The following LTBP1 variants were observed in gnomAD, a reference collection of about 807,000 sequenced individuals.
LTBP1 encodes latent-transforming growth factor beta-binding protein 1.
LTBP1 carries 129 observed loss-of-function variants against 207.6 expected under a neutral mutation model. The ratio of observed to expected loss-of-function variants is 0.62; its 90% CI spans 0.54 to 0.72. The LOEUF (loss-of-function observed/expected upper bound fraction) is 0.72. Ranked by LOEUF, LTBP1 falls within the 30% of genes least tolerant of loss-of-function variation. The probability of loss-of-function intolerance (pLI) is 0.00; values close to 1 mark genes in which losing one functional copy is unlikely to be tolerated. For missense variants in LTBP1, 2,281 were observed against 2,217.2 expected, an observed-to-expected ratio of 1.03 and a Z score of -0.58; for synonymous variants, 963 against 833.7, an observed-to-expected ratio of 1.16 and a Z score of -2.67.
At position 33,173,381 on chromosome 2, in the gene LTBP1, A is replaced by C. The variant is rs559347443; in HGVS notation, c.1202-13475A>C. Among the ~76,000 whole-genome samples the C allele has an allele frequency of 5.3e-3, 802 of 152,288 alleles. 8 individuals carry two copies. The highest frequency in any genetic ancestry group is 0.018 in the African/African-American group (759 of 41,546). On this transcript the variant is annotated intron_variant, in intron 5 of 33. Coordinates refer to ENST00000404816, the MANE Select transcript of LTBP1 (RefSeq NM_206943.4). Reference sequence around the variant, plus strand: ...ATCAGAGAATACTACAAACACCTCTACGCAAATAAACTATAAAATCTAGAA... The same window carrying C: ...ATCAGAGAATACTACAAACACCTCTCCGCAAATAAACTATAAAATCTAGAA...
At chr2:33,179,446 A>G (rs1346065895) in intron 5 of LTBP1, among the ~76,000 whole-genome samples, 1 of 149,406 alleles carries the variant, frequency 6.7e-6, no homozygotes, top group Non-Finnish European at 1.5e-5. Flanking sequence ...AAATAAATGC[A>G]TATATTCTTA....
chr2:33,241,810 G>A (rs2092334038), intron 9 of LTBP1, among the ~76,000 whole-genome samples: 2 of 152,106 alleles, frequency 1.3e-5, no homozygotes, highest in Admixed American at 1.3e-4. Flanking sequence ...AGCTCCAACT[G>A]GACTTGGCAC....
chr2:33,213,444 T>G (rs2090457939), intron 7 of LTBP1, among the ~76,000 whole-genome samples: 1 of 152,220 alleles, frequency 6.6e-6, no homozygotes, highest in Non-Finnish European at 1.5e-5. Context: ...TCTGTGTGAT[T>G]ACATCTCACC....
chr2:33,342,137 C>T (rs1450403030), intron 24 of LTBP1, among the ~76,000 whole-genome samples: 3 of 152,138 alleles, frequency 2.0e-5, no homozygotes, highest in Non-Finnish European at 4.4e-5. Context: ...ATTGAGGCAT[C>T]ACTTTTATAA....
At chr2:33,184,059 G>T (rs1463777287) in intron 5 of LTBP1, among the ~76,000 whole-genome samples, 2 of 151,950 alleles carry the variant, frequency 1.3e-5, no homozygotes, top group Non-Finnish European at 2.9e-5. Flanking sequence ...TTTCCCTCCA[G>T]CCTTACGTTA....
In LTBP1 at chr2:33,301,548, C is replaced by G; in HGVS notation, c.3385C>G (p.Leu1129Val). Residue 1129 changes from leucine (L) to valine (V), a missense_variant, in exon 22 of 34, where the codon CTC becomes GTC. Leu to Val is a conservative substitution (Grantham distance 32). Transcript: ENST00000404816. ...EDIDECQHRH[L>V]CAHGQCRNTE... ...CATTGATGAATGCCAGCACCGTCATCTCTGTGCTCATGGGCAGTGCAGGAA... is the reference window on the plus strand; with the variant it reads ...CATTGATGAATGCCAGCACCGTCATGTCTGTGCTCATGGGCAGTGCAGGAA... 1 of 1,609,848 alleles carries G rather than the reference C, an allele frequency of 6.2e-7. No individual in the cohort carries two copies. Among genetic ancestry groups the G allele is most frequent in the Non-Finnish European group, 8.5e-7 (1 of 1,178,344 alleles).
intron 31 of LTBP1, among the ~76,000 whole-genome samples, chr2:33,380,719 T>G (rs2095203340): frequency 6.6e-6 from 1 of 152,226 alleles, no homozygotes; most frequent in Admixed American, 6.5e-5. Context: ...CCTCCTGTAT[T>G]TTTTGTTTCT....
rs944819822 is a variant in LTBP1 at position 32,978,402 on chromosome 2, T to C, written c.565+29457T>C. Among the ~76,000 whole-genome samples, 7 of 152,182 alleles carry C rather than the reference T, an allele frequency of 4.6e-5. No homozygotes were observed. The East Asian group carries it at 1.3e-3, about 29-fold the overall frequency. ...TCTATACCCAGTTGTTTGAGTGCTT[T>C]TTTTCATGAAGGGATGTTGAATTTT... On this transcript the variant is annotated intron_variant, in intron 2 of 33. Transcript: ENST00000404816.
At chr2:33,006,203 G>A (rs576410907) in intron 2 of LTBP1, among the ~76,000 whole-genome samples, 5 of 152,054 alleles carry the variant, frequency 3.3e-5, no homozygotes, top group South Asian at 2.1e-4. Flanking sequence ...GATTACAGGC[G>A]TGAGCCACTG....
intron 5 of LTBP1, among the ~76,000 whole-genome samples, chr2:33,164,318 C>T (rs2084727366): frequency 7.2e-6 from 1 of 139,450 alleles, no homozygotes. Flanking sequence ...CCACTGCACT[C>T]CAGCCTGGGT....
intron 3 of LTBP1, among the ~76,000 whole-genome samples, chr2:33,043,912 A>G (rs1198313984): frequency 6.6e-6 from 1 of 152,022 alleles, no homozygotes; most frequent in Non-Finnish European, 1.5e-5. Context: ...AAAGGAAGGG[A>G]TAGCTAGGAG....
chr2:33,295,270 G>A (rs760867999), intron 20 of LTBP1, among the ~76,000 whole-genome samples: 2 of 151,484 alleles, frequency 1.3e-5, no homozygotes, highest in Non-Finnish European at 2.9e-5. Flanking sequence ...ACATGTGGCC[G>A]GACACAGCAC....
At position 33,053,686 on chromosome 2, in the gene LTBP1, G is replaced by T. The variant is rs138218451; in HGVS notation, c.863+32480G>T. Reference sequence around the variant, plus strand: ...AATGTCTTAGGGCAAGGATAAGCCAGTATAGGCTTTATTCATTCCTTGCTG... The same window carrying T: ...AATGTCTTAGGGCAAGGATAAGCCATTATAGGCTTTATTCATTCCTTGCTG... On this transcript the variant is annotated intron_variant, in intron 3 of 33. Coordinates refer to ENST00000404816, the MANE Select transcript of LTBP1 (RefSeq NM_206943.4). 2.2e-3 allele frequency among the ~76,000 whole-genome samples: 336 copies of T among 152,288 alleles called. 1 individual carries two copies. Among genetic ancestry groups the T allele is most frequent in the African/African-American group, 7.7e-3 (319 of 41,566 alleles).
At chr2:33,393,030 T>A (rs2150682763) in intron 32 of LTBP1, among the ~76,000 whole-genome samples, 1 of 152,056 alleles carries the variant, frequency 6.6e-6, no homozygotes, top group East Asian at 1.9e-4. Flanking sequence ...GATGTATTAC[T>A]CAATTTTTTT....
chr2:33,302,717 G>T (rs1213082441), intron 22 of LTBP1, among the ~76,000 whole-genome samples: 1 of 151,304 alleles, frequency 6.6e-6, no homozygotes, highest in Non-Finnish European at 1.5e-5. Flanking sequence ...TTTATCCTAA[G>T]GTGATCATGT....
chr2:33,184,382 C>G (rs1458031089), intron 5 of LTBP1, among the ~76,000 whole-genome samples: 1 of 152,154 alleles, frequency 6.6e-6, no homozygotes, highest in Non-Finnish European at 1.5e-5. Flanking sequence ...TCTTCCCTTC[C>G]CTCTAGAACC....
chr2:33,307,824 T>C (rs1188724808), intron 22 of LTBP1, among the ~76,000 whole-genome samples: 2 of 152,160 alleles, frequency 1.3e-5, no homozygotes, highest in Non-Finnish European at 2.9e-5. Flanking sequence ...AATAACGTGG[T>C]TTTATTTGAT....
intron 19 of LTBP1, among the ~76,000 whole-genome samples, chr2:33,286,199 G>A (rs2148689679): frequency 6.6e-6 from 1 of 152,288 alleles, no homozygotes; most frequent in South Asian, 2.1e-4. Context: ...CCCTGATTAA[G>A]TTGAGAATGA....
At position 33,391,801 on chromosome 2, in the gene LTBP1, C is replaced by CT. The variant is rs34341781; in HGVS notation, c.4834+2503dup. 4.6e-5 allele frequency among the ~76,000 whole-genome samples: 7 copies of CT among 152,066 alleles called. No homozygotes were observed. The East Asian group carries it at 9.7e-4, about 21-fold the overall frequency. ...TTAATGCTGGCATTGCTTTAAAGCT[C>CT]TTTTTTTTAATTAACTACACATGTT... On this transcript the variant is annotated intron_variant, in intron 32 of 33. Coordinates refer to ENST00000404816, the MANE Select transcript of LTBP1 (RefSeq NM_206943.4).
Sources: gnomAD v4.1 joint callset for allele counts (sites outside exome capture counted in the v4.1 genomes callset) on GRCh38, gnomAD v4.1.1 for gene constraint, MANE v1.5 for transcripts, NCBI Gene and HGNC (gene_info 2026-07-23, HGNC 2026-07-21) for gene names.